CNTN4: variants seen among roughly 807,000 people sequenced by gnomAD.
CNTN4 encodes the protein contactin-4.
CNTN4 carries 77 observed loss-of-function variants against 122.5 expected under a neutral mutation model. The observed-to-expected ratio is 0.63, with a 90% confidence interval of 0.52 to 0.76. The LOEUF is 0.76. CNTN4 is among the 30% of genes least tolerant of loss of function. The pLI, the probability that CNTN4 is intolerant of heterozygous loss-of-function variation, is 0.00. For missense variants in CNTN4, 1,256 were observed against 1,259.1 expected, an observed-to-expected ratio of 1.00 and a Z score of 0.04; for synonymous variants, 512 against 447.0, an observed-to-expected ratio of 1.15 and a Z score of -1.83.
chr3:2,617,514 G>A (rs201542314), intron 4 of CNTN4, among the ~76,000 whole-genome samples: 8 of 139,058 alleles, frequency 5.8e-5, no homozygotes, highest in East Asian at 4.2e-4. Flanking sequence ...TCCACCTCCC[G>A]GGTTCAAGTG....
rs1187805483 is a variant in CNTN4, at chr3:2,201,137, C to T, written c.-145+100498C>T. On this transcript the variant is annotated intron_variant, in intron 2 of 24. Coordinates refer to ENST00000418658, the MANE Select transcript of CNTN4 (RefSeq NM_175607.3). ...CATTCCTTCTGTGTCAAACACCCCA[C>T]GCTACACTCTACACTAAGCTCTTGT... 3.9e-5 allele frequency among the ~76,000 whole-genome samples: 6 copies of T among 152,090 alleles called. No individual in the cohort carries two copies. The East Asian group carries it at 7.7e-4, about 20-fold the overall frequency.
chr3:2,985,289 G>C (rs1395515091), intron 13 of CNTN4: 1 of 152,354 alleles, frequency 6.6e-6, no homozygotes, highest in Non-Finnish European at 1.5e-5. Flanking sequence ...TGCTATGTAA[G>C]AACATTCTCC....
At chr3:2,672,125 C>T (rs188017996) in intron 4 of CNTN4, among the ~76,000 whole-genome samples, 3 of 152,186 alleles carry the variant, frequency 2.0e-5, no homozygotes, top group Non-Finnish European at 4.4e-5. Context: ...GGGAGAACCA[C>T]CACTGTCTTC....
intron 4 of CNTN4, among the ~76,000 whole-genome samples, chr3:2,732,850 C>T (rs2088801204): frequency 6.6e-6 from 1 of 152,134 alleles, no homozygotes; most frequent in Non-Finnish European, 1.5e-5. Context: ...GCCCAAATAG[C>T]TCGTGCACAA....
chr3:2,983,272 A>G (rs976856319), intron 13 of CNTN4, among the ~76,000 whole-genome samples: 5 of 140,000 alleles, frequency 3.6e-5, no homozygotes, highest in African/African-American at 5.2e-5. Flanking sequence ...AGCCTAATAT[A>G]TAGGAGGTAT....
intron 12 of CNTN4, among the ~76,000 whole-genome samples, chr3:2,919,577 C>A (rs770783908): frequency 2.0e-5 from 3 of 152,124 alleles, no homozygotes; most frequent in Non-Finnish European, 4.4e-5. Flanking sequence ...CTAGGGTTCT[C>A]ACTATCATAG....
intron 13 of CNTN4, among the ~76,000 whole-genome samples, chr3:2,986,331 C>A (rs1357357177): frequency 6.6e-6 from 1 of 152,150 alleles, no homozygotes; most frequent in Admixed American, 6.5e-5. Flanking sequence ...ATAAGATGGA[C>A]ATTGTTAGTT....
chr3:2,393,885 C>G (rs938654535), intron 3 of CNTN4, among the ~76,000 whole-genome samples: 2 of 152,074 alleles, frequency 1.3e-5, no homozygotes, highest in Non-Finnish European at 2.9e-5. Context: ...TGTCACTGCT[C>G]TTGGTGGGTC....
chr3:2,538,805 A>G (rs912545993), intron 3 of CNTN4, among the ~76,000 whole-genome samples: 12 of 151,914 alleles, frequency 7.9e-5, no homozygotes, highest in Non-Finnish European at 8.8e-5. Flanking sequence ...GTTTTCACCA[A>G]TGTGCATGTA....
intron 23 of CNTN4, among the ~76,000 whole-genome samples, chr3:3,047,787 C>G (rs188404146): frequency 6.6e-6 from 1 of 151,174 alleles, no homozygotes; most frequent in Non-Finnish European, 1.5e-5. Flanking sequence ...CAGAGCAGAA[C>G]TGAAGGAGAT....
At chr3:2,587,350 G>A (rs1318549237) in intron 4 of CNTN4, among the ~76,000 whole-genome samples, 1 of 152,188 alleles carries the variant, frequency 6.6e-6, no homozygotes, top group Non-Finnish European at 1.5e-5. Flanking sequence ...AGAACCTGAT[G>A]TGATATTCTG....
chr3:2,817,180 G>A (rs967577262), intron 6 of CNTN4, among the ~76,000 whole-genome samples: 2 of 152,220 alleles, frequency 1.3e-5, no homozygotes, highest in Admixed American at 1.3e-4. Context: ...TAGTTGCAAT[G>A]TTTGGGATAT....
chr3:2,969,093 A>C (rs1692619311), intron 13 of CNTN4, among the ~76,000 whole-genome samples: 2 of 152,206 alleles, frequency 1.3e-5, no homozygotes, highest in African/African-American at 4.8e-5. Context: ...TATTTTCATA[A>C]TATTTCAAAG....
chr3:2,918,431 C>A (rs902128789), intron 12 of CNTN4, among the ~76,000 whole-genome samples: 3 of 152,202 alleles, frequency 2.0e-5, no homozygotes, highest in African/African-American at 2.4e-5. Context: ...GAAAGCTGAA[C>A]TTCCAGGGTG....
intron 7 of CNTN4, among the ~76,000 whole-genome samples, chr3:2,862,234 T>A (rs1186632226): frequency 2.0e-5 from 3 of 152,200 alleles, no homozygotes; most frequent in African/African-American, 7.2e-5. Context: ...AATAAATTGG[T>A]GTCAAGAACA....
chr3:2,716,546 C>T (rs1029340812), intron 4 of CNTN4, among the ~76,000 whole-genome samples: 7 of 151,994 alleles, frequency 4.6e-5, no homozygotes, highest in African/African-American at 1.7e-4. Flanking sequence ...TTCTCTGTGG[C>T]CCATGGCATT....
chr3:2,723,738 A>C (rs974808511), intron 4 of CNTN4, among the ~76,000 whole-genome samples: 3 of 152,226 alleles, frequency 2.0e-5, no homozygotes, highest in Non-Finnish European at 4.4e-5. Flanking sequence ...GGGCACACAC[A>C]TTCAAACCAT....
chr3:2,567,692 G>A (rs548290221), intron 3 of CNTN4, among the ~76,000 whole-genome samples: 5 of 152,124 alleles, frequency 3.3e-5, no homozygotes, highest in African/African-American at 9.7e-5. Flanking sequence ...TGCAGTCTAC[G>A]CTTTTCATTT....
chr3:2,631,878 AC>A (rs369079571), intron 4 of CNTN4, among the ~76,000 whole-genome samples: 10,035 of 144,186 alleles, frequency 0.07, 1,216 homozygotes, highest in African/African-American at 0.19. Context: ...AAAAAAAAAA[AC>A]AAAAAAAAAC....
Sources: gnomAD v4.1 joint callset for allele counts (sites outside exome capture counted in the v4.1 genomes callset) on GRCh38, gnomAD v4.1.1 for gene constraint, MANE v1.5 for transcripts, NCBI Gene and HGNC (gene_info 2026-07-23, HGNC 2026-07-21) for gene names.